CADPS: variants seen among roughly 807,000 people sequenced by gnomAD.
CADPS encodes calcium dependent secretion activator.
A neutral mutation model predicts 167.3 loss-of-function variants in CADPS; 57 were observed. The ratio of observed to expected loss-of-function variants is 0.34; its 90% CI spans 0.28 to 0.42. The LOEUF (loss-of-function observed/expected upper bound fraction) is 0.42, where lower values mean the gene tolerates loss of function less well. Ranked by LOEUF, CADPS falls within the 20% of genes least tolerant of loss-of-function variation. The pLI, the probability that CADPS is intolerant of heterozygous loss-of-function variation, is 1.00. For synonymous variants in CADPS, 676 were observed against 635.3 expected (o/e 1.06, Z -0.96); for missense variants, 1,414 against 1,738.1 (o/e 0.81, Z 3.32).
chr3:62,872,255 G>A (rs971250580), intron 1 of CADPS, among the ~76,000 whole-genome samples: 2 of 152,108 alleles, frequency 1.3e-5, no homozygotes, highest in Non-Finnish European at 2.9e-5. Flanking sequence ...CAGTGATTAT[G>A]CAAACCTTTT....
intron 6 of CADPS, among the ~76,000 whole-genome samples, chr3:62,637,754 T>A (rs2066590096): frequency 6.6e-6 from 1 of 152,156 alleles, no homozygotes; most frequent in Non-Finnish European, 1.5e-5. Context: ...AGGCTTTGGG[T>A]TTGGCTTTTG....
chr3:62,406,129 G>C (rs1008260033), intron 28 of CADPS, among the ~76,000 whole-genome samples: 2 of 152,190 alleles, frequency 1.3e-5, no homozygotes, highest in Non-Finnish European at 2.9e-5. Flanking sequence ...TGTGTTTGCC[G>C]GTCATGACAG....
intron 3 of CADPS, among the ~76,000 whole-genome samples, chr3:62,689,647 C>T (rs1039673): frequency 0.48 from 73,156 of 151,956 alleles, 18,845 homozygotes; most frequent in East Asian, 0.86. Context: ...ACCCTTTGGA[C>T]GCAAATGTAC....
At chr3:62,699,204 T>A (rs2080939605) in intron 3 of CADPS, among the ~76,000 whole-genome samples, 1 of 151,954 alleles carries the variant, frequency 6.6e-6, no homozygotes, top group Non-Finnish European at 1.5e-5. Context: ...GCTAACTTTT[T>A]AAAAATCTGT....
At chr3:62,656,210 C>T (rs1235677499) in intron 4 of CADPS, among the ~76,000 whole-genome samples, 1 of 152,166 alleles carries the variant, frequency 6.6e-6, no homozygotes, top group Non-Finnish European at 1.5e-5. Flanking sequence ...CACTATGCTC[C>T]TACCACCACC....
chr3:62,844,011 G>A (rs193182575), intron 1 of CADPS, among the ~76,000 whole-genome samples: 146 of 152,262 alleles, frequency 9.6e-4, no homozygotes, highest in Non-Finnish European at 1.6e-3. Context: ...TATAAAATTT[G>A]AAACCTTAAT....
At chr3:62,608,594 T>C (rs2061035252) in intron 6 of CADPS, among the ~76,000 whole-genome samples, 1 of 152,136 alleles carries the variant, frequency 6.6e-6, no homozygotes, top group Non-Finnish European at 1.5e-5. Context: ...TTGAATTGAG[T>C]TGTAATTAAC....
At chr3:62,765,338 C>A (rs537768786) in intron 2 of CADPS, among the ~76,000 whole-genome samples, 5 of 152,236 alleles carry the variant, frequency 3.3e-5, no homozygotes, top group African/African-American at 4.8e-5. Flanking sequence ...TGTAGATTTT[C>A]TCTAGAGAAC....
intron 6 of CADPS, among the ~76,000 whole-genome samples, chr3:62,634,142 T>C (rs1269235390): frequency 6.6e-6 from 1 of 152,212 alleles, no homozygotes; most frequent in African/African-American, 2.4e-5. Flanking sequence ...TCTTATTTCA[T>C]TTAATATGAT....
intron 6 of CADPS, among the ~76,000 whole-genome samples, chr3:62,607,415 CGCT>C (rs575884811): frequency 2.2e-3 from 338 of 152,310 alleles, no homozygotes; most frequent in Middle Eastern, 3.4e-3. Flanking sequence ...AAATCACGAA[CGCT>C]CAAGTGCTCC....
Position 62,768,218 on chromosome 3 carries a change from C to T in CADPS, c.442-2234G>A, listed in dbSNP as rs538168431. Among the ~76,000 whole-genome samples the T allele has an allele frequency of 1.3e-4, 20 of 152,220 alleles. 1 individual carries two copies. Among genetic ancestry groups the T allele is most frequent in the Non-Finnish European group, 2.6e-4 (18 of 68,010 alleles). On this transcript the variant is annotated intron_variant, in intron 1 of 29. Transcript: ENST00000383710. ...TTGATTTGCTCATAAAAATGATACC[C>T]GTAACATACATTTATTTTAAGCAGG...
intron 28 of CADPS, among the ~76,000 whole-genome samples, chr3:62,406,207 T>C (rs1266530751): frequency 2.0e-5 from 3 of 152,280 alleles, no homozygotes; most frequent in Admixed American, 6.5e-5. Context: ...AAATAGGCCT[T>C]CGTGGGGGAT....
At position 62,421,450 on chromosome 3, in the gene CADPS, T is replaced by A. The variant is rs1211477453; in HGVS notation, c.3777+16654A>T. Among the ~76,000 whole-genome samples, 4 of 152,218 alleles carry A rather than the reference T, an allele frequency of 2.6e-5. No individual in the cohort carries two copies. ...ATTCTTCCCTTTTTGCTGACAGATGTACAAAGGCGGAACTGCGCCGTGCAG... is the reference window on the plus strand; with the variant it reads ...ATTCTTCCCTTTTTGCTGACAGATGAACAAAGGCGGAACTGCGCCGTGCAG... On this transcript the variant is annotated intron_variant, in intron 28 of 29. Transcript: ENST00000383710. This position sits in a 1 kb window ranked among gnomAD's most constrained non-coding sequence, Gnocchi z 4.7.
chr3:62,516,049 G>A lies in CADPS; in HGVS notation c.2581+10C>T. ...TTAAATTCAAAACTGGGGGCAGAAG[G>A]GAGCCTTACCTTCGATTTTGGCATA... On this transcript the variant is annotated intron_variant, in intron 16 of 29. Coordinates refer to ENST00000383710, the MANE Select transcript of CADPS (RefSeq NM_003716.4). The A allele has an allele frequency of 6.2e-7, 1 of 1,612,748 alleles. No homozygotes were observed. Among genetic ancestry groups the A allele is most frequent in the Non-Finnish European group, 8.5e-7 (1 of 1,179,110 alleles).
chr3:62,704,836 T>A (rs2082042330), intron 3 of CADPS, among the ~76,000 whole-genome samples: 1 of 152,150 alleles, frequency 6.6e-6, no homozygotes, highest in Non-Finnish European at 1.5e-5. Context: ...TAGACTATTT[T>A]CTGACAACTT....
Position 62,478,065 on chromosome 3 carries a change from T to G in CADPS, c.3329+196A>C. ...GAAAAAATTGGCAGCCAGATTATTT[T>G]GGGTTTGGGACAGATGGAGGGCAGG... On this transcript the variant is annotated intron_variant, in intron 23 of 29. Coordinates refer to ENST00000383710, the MANE Select transcript of CADPS (RefSeq NM_003716.4). This position sits in a 1 kb window ranked among gnomAD's most constrained non-coding sequence, Gnocchi z 5.7. The G allele has an allele frequency of 1.8e-6, 1 of 549,454 alleles. No individual in the cohort carries two copies. Among genetic ancestry groups the G allele is most frequent in the East Asian group, 2.9e-5 (1 of 34,852 alleles). 34.0% of individuals were successfully genotyped at this position (549,454 alleles called of 1,614,324 possible). A position where few individuals can be genotyped will look rare whatever the true frequency, so the allele number is the denominator to read the frequency against.
In CADPS at chr3:62,519,656, G is replaced by A. The variant is rs565158036; in HGVS notation, c.2292-1406C>T. Among the ~76,000 whole-genome samples, 6 of 152,230 alleles carry A rather than the reference G, an allele frequency of 3.9e-5. No homozygotes were observed. In the East Asian group the frequency reaches 1.2e-3, roughly 29 times the overall value. ...TTTTTAAGAGACAGGGTCTTGTTCT[G>A]TTGTCCAGGCTGGGGTGCAGCAGTG... On this transcript the variant is annotated intron_variant, in intron 13 of 29. Transcript: ENST00000383710.
chr3:62,757,105 T>G (rs2084129971), intron 2 of CADPS, among the ~76,000 whole-genome samples: 1 of 151,850 alleles, frequency 6.6e-6, no homozygotes, highest in Admixed American at 6.6e-5. Flanking sequence ...ACCGGGTGAG[T>G]GTGATGGCAG....
intron 14 of CADPS, among the ~76,000 whole-genome samples, chr3:62,516,969 G>A (rs948024875): frequency 2.0e-5 from 3 of 152,054 alleles, no homozygotes; most frequent in East Asian, 3.9e-4. Flanking sequence ...TGTTATTATC[G>A]AGACTGGCGT....
Sources: allele counts gnomAD v4.1 joint callset (sites outside exome capture counted in the v4.1 genomes callset), GRCh38; gene constraint gnomAD v4.1.1; non-coding constraint Gnocchi (gnomAD v3.1); transcripts MANE v1.5; gene names NCBI Gene and HGNC (gene_info 2026-07-23, HGNC 2026-07-21).